Variants in NATD1 observed in about 807,000 individuals in gnomAD.
The protein encoded by NATD1 is protein NATD1.
NATD1 carries 9 observed loss-of-function variants against 12.0 expected under a neutral mutation model. That is an observed-to-expected ratio of 0.75 (90% CI 0.45 to 1.30). The LOEUF (loss-of-function observed/expected upper bound fraction) is 1.30. Ranked by LOEUF, NATD1 falls within the 50% of genes most tolerant of loss-of-function variation. The probability of loss-of-function intolerance (pLI) is 0.00; values close to 1 mark genes in which losing one functional copy is unlikely to be tolerated. For synonymous variants in NATD1, 71 were observed against 65.9 expected (o/e 1.08, Z -0.37); for missense variants, 148 against 148.5 (o/e 1.00, Z 0.02).
In NATD1 at chr17:21,253,309, G is replaced by A. The variant is rs1445328052; in HGVS notation, c.-45C>T. 47 of 864,708 alleles carry A rather than the reference G, an allele frequency of 5.4e-5. No homozygotes were observed. The highest frequency in any genetic ancestry group is 6.4e-5 in the Non-Finnish European group (46 of 720,804). 53.6% of individuals were successfully genotyped at this position (864,708 alleles called of 1,614,324 possible). On this transcript the variant is annotated 5_prime_UTR_variant, in exon 1 of 3. Transcript: ENST00000611551. ...GCGGCGCCGGCGGGGGCCGGGGCGC[G>A]CGGGGAAAGGTCAGGCGCGCGGCGG...
chr17:21,240,468 C>G lies in NATD1; in HGVS notation c.*2845G>C, dbSNP rs529002157. ...GTGCAGACAGCACTGCATGCCAGGCCACACCTTTTATGGAAATGTTCCTCT... is the reference window on the plus strand; with the variant it reads ...GTGCAGACAGCACTGCATGCCAGGCGACACCTTTTATGGAAATGTTCCTCT... On this transcript the variant is annotated 3_prime_UTR_variant, in exon 3 of 3. Coordinates refer to ENST00000611551, the MANE Select transcript of NATD1 (RefSeq NM_152914.3). The G allele has an allele frequency of 2.0e-5, 3 of 152,740 alleles. No individual in the cohort carries two copies. The highest frequency in any genetic ancestry group is 7.2e-5 in the African/African-American group (3 of 41,596). The allele number at this position is 152,740 out of a possible 1,614,324, so 9.5% of individuals were successfully genotyped here.
At chr17:21,247,352 C>T (rs2144363546) in intron 1 of NATD1, among the ~76,000 whole-genome samples, 1 of 152,370 alleles carries the variant, frequency 6.6e-6, no homozygotes, top group Middle Eastern at 3.4e-3. Flanking sequence ...GGCCTTCCCA[C>T]AGCCAGGCCT....
At chr17:21,250,473 G>C (rs554212986) in intron 1 of NATD1, among the ~76,000 whole-genome samples, 44 of 152,254 alleles carry the variant, frequency 2.9e-4, no homozygotes, top group Non-Finnish European at 8.8e-5. Context: ...TCTATTTCTT[G>C]TCCATTTCCC....
At chr17:21,245,870 G>A (rs573818093) in intron 1 of NATD1, among the ~76,000 whole-genome samples, 2 of 152,240 alleles carry the variant, frequency 1.3e-5, no homozygotes, top group South Asian at 2.1e-4. Context: ...GGGCCTGACT[G>A]TCCTTCTGTG....
At chr17:21,250,371 T>C (rs1177334826) in intron 1 of NATD1, among the ~76,000 whole-genome samples, 2 of 152,108 alleles carry the variant, frequency 1.3e-5, no homozygotes, top group East Asian at 1.9e-4. Flanking sequence ...AGACACATGA[T>C]TGTAAATAGC....
At chr17:21,250,482 C>T (rs1975364760) in intron 1 of NATD1, among the ~76,000 whole-genome samples, 1 of 152,158 alleles carries the variant, frequency 6.6e-6, no homozygotes, top group East Asian at 1.9e-4. Flanking sequence ...TGTCCATTTC[C>T]CTCTCTAAAC....
At chr17:21,249,594 C>G (rs1367221925) in intron 1 of NATD1, among the ~76,000 whole-genome samples, 2 of 152,212 alleles carry the variant, frequency 1.3e-5, no homozygotes, top group East Asian at 3.8e-4. Flanking sequence ...TCTCTGGGGC[C>G]TCAGTCTTCC....
chr17:21,253,261 C>G lies in NATD1; in HGVS notation c.4G>C (p.Ala2Pro). Reference sequence around the variant, plus strand: ...AGCGGCACGGCGGCAGCCGAGTGCGCCATCTGCGCGCGGGGCTGCGGCGCG... The same window carrying G: ...AGCGGCACGGCGGCAGCCGAGTGCGGCATCTGCGCGCGGGGCTGCGGCGCG... M[A>P]HSAAAVPLGA... Residue 2 changes from alanine to proline, a missense_variant, in exon 1 of 3, where the codon GCG becomes CCG. By Grantham distance (27) the Ala-to-Pro change is conservative. Transcript: ENST00000611551. 1.0e-6 allele frequency: 1 copy of G among 993,700 alleles called. No individual in the cohort carries two copies. Among genetic ancestry groups the G allele is most frequent in the Non-Finnish European group, 1.2e-6 (1 of 836,678 alleles). The allele number at this position is 993,700 out of a possible 1,614,324, so 61.6% of individuals were successfully genotyped here.
At chr17:21,252,544 C>T (rs148891842) in intron 1 of NATD1, among the ~76,000 whole-genome samples, 3 of 152,276 alleles carry the variant, frequency 2.0e-5, no homozygotes, top group African/African-American at 7.2e-5. Context: ...ATGGCCAGTC[C>T]CAGAGCCACT....
At position 21,243,210 on chromosome 17, in the gene NATD1, C is replaced by CT. The variant is rs1332127009; in HGVS notation, c.*102dup. ...GATGAGTGTCCTTACAAAAATAACT[C>CT]TGAGTCTGTTCCCAGTGGGACCAGG... is the stretch of plus-strand genomic sequence containing the variant. On this transcript the variant is annotated 3_prime_UTR_variant, in exon 3 of 3. Coordinates refer to ENST00000611551, the MANE Select transcript of NATD1 (RefSeq NM_152914.3). The CT allele has an allele frequency of 1.6e-5, 14 of 851,582 alleles. No individual in the cohort carries two copies. Among genetic ancestry groups the CT allele is most frequent in the East Asian group, 1.0e-4 (4 of 40,038 alleles). The allele number at this position is 851,582 out of a possible 1,614,324, so 52.8% of individuals were successfully genotyped here.
intron 1 of NATD1, among the ~76,000 whole-genome samples, chr17:21,249,992 C>G (rs1456760279): frequency 6.6e-6 from 1 of 152,248 alleles, no homozygotes; most frequent in Admixed American, 6.5e-5. Flanking sequence ...CTAGACGTTT[C>G]TCCCACGCCT....
intron 2 of NATD1, among the ~76,000 whole-genome samples, 179 bp from the exon 3 acceptor site, chr17:21,243,608 G>A (rs117895485): frequency 0.015 from 2,218 of 152,190 alleles, 20 homozygotes; most frequent in Middle Eastern, 0.024. Context: ...CGGTACACAA[G>A]GAAAAAACAC....
intron 1 of NATD1, among the ~76,000 whole-genome samples, chr17:21,245,098 G>A (rs1975314028): frequency 6.6e-6 from 1 of 152,210 alleles, no homozygotes; most frequent in Admixed American, 6.5e-5. Flanking sequence ...TAGGATGCCA[G>A]GGAATGGGGG....
chr17:21,247,800 G>A (rs544565303), intron 1 of NATD1, among the ~76,000 whole-genome samples: 30 of 152,344 alleles, frequency 2.0e-4, no homozygotes, highest in Middle Eastern at 6.8e-3. Flanking sequence ...GGCTATGCCT[G>A]TGTCACTGTG....
rs1975249764 is a variant in NATD1 at position 21,239,797 on chromosome 17, A to C, written c.*3516T>G. The C allele has an allele frequency of 6.6e-6, 1 of 152,256 alleles. No individual in the cohort carries two copies. Among genetic ancestry groups the C allele is most frequent in the Admixed American group, 6.5e-5 (1 of 15,278 alleles). The allele number at this position is 152,256 out of a possible 1,614,324, so 9.4% of individuals were successfully genotyped here. On this transcript the variant is annotated 3_prime_UTR_variant, in exon 3 of 3. Transcript: ENST00000611551. ...GAGCAAGACTCCCATCTCAAAAAAA[A>C]GATTGCAACAGGCCTGGCAATTTAT...
At position 21,243,159 on chromosome 17, in the gene NATD1, C is replaced by G. The variant is rs573128904; in HGVS notation, c.*154G>C. Reference sequence around the variant, plus strand: ...TCACCGCCCATCATTGGTCAGCTGCCTCCAGGGATCTGGACGTGGGGCACA... The same window carrying G: ...TCACCGCCCATCATTGGTCAGCTGCGTCCAGGGATCTGGACGTGGGGCACA... On this transcript the variant is annotated 3_prime_UTR_variant, in exon 3 of 3. Coordinates refer to ENST00000611551, the MANE Select transcript of NATD1 (RefSeq NM_152914.3). 1.2e-3 allele frequency: 708 copies of G among 613,662 alleles called. 5 individuals are homozygous for G. The highest frequency in any genetic ancestry group is 1.8e-3 in the Middle Eastern group (4 of 2,280). 38.0% of individuals were successfully genotyped at this position (613,662 alleles called of 1,614,324 possible).
At chr17:21,252,871 C>A (rs1975391077) in intron 1 of NATD1, among the ~76,000 whole-genome samples, 1 of 152,018 alleles carries the variant, frequency 6.6e-6, no homozygotes, top group African/African-American at 2.4e-5. Context: ...CCAGGGGCCC[C>A]TGTCCGCCCT....
chr17:21,242,660 CCCA>C lies in NATD1; in HGVS notation c.*650_*652del, dbSNP rs61502494. ...CAAGGAGAGGAAAACACCCCCGGCA[CCCA>C]CCACCAGCCCGCCTGTAGACTGCAT... is the stretch of plus-strand genomic sequence containing the variant. On this transcript the variant is annotated 3_prime_UTR_variant, in exon 3 of 3. Coordinates refer to ENST00000611551, the MANE Select transcript of NATD1 (RefSeq NM_152914.3). 6.5e-6 allele frequency: 1 copy of C among 152,988 alleles called. No individual in the cohort carries two copies. Among genetic ancestry groups the C allele is most frequent in the East Asian group, 1.9e-4 (1 of 5,188 alleles). The allele number at this position is 152,988 out of a possible 1,614,324, so 9.5% of individuals were successfully genotyped here.
At chr17:21,251,306 A>C (rs533594049) in intron 1 of NATD1, among the ~76,000 whole-genome samples, 83 of 151,878 alleles carry the variant, frequency 5.5e-4, no homozygotes, top group Middle Eastern at 3.4e-3. Context: ...AAAAAAAAAA[A>C]AAAAACAAAC....
Sources: allele counts gnomAD v4.1 joint callset (sites outside exome capture counted in the v4.1 genomes callset), GRCh38; gene constraint gnomAD v4.1.1; transcripts MANE v1.5; gene names NCBI Gene and HGNC (gene_info 2026-07-23, HGNC 2026-07-21).